The following SORCS2 variants were observed in gnomAD, a reference collection of about 807,000 sequenced individuals.
The protein encoded by SORCS2 is VPS10 domain-containing receptor SorCS2.
A neutral mutation model predicts 141.6 loss-of-function variants in SORCS2; 100 were observed. The observed-to-expected ratio is 0.71, with a 90% CI of 0.60 to 0.83. The LOEUF (loss-of-function observed/expected upper bound fraction) is 0.83, where lower values mean the gene tolerates loss of function less well. Ranked by LOEUF, SORCS2 falls within the 40% of genes least tolerant of loss-of-function variation. The pLI, the probability that SORCS2 is intolerant of heterozygous loss-of-function variation, is 0.00. For missense variants in SORCS2, 1,646 were observed against 1,560.2 expected (o/e 1.05, Z -0.93); for synonymous variants, 789 against 676.9 (o/e 1.17, Z -2.57).
intron 2 of SORCS2, among the ~76,000 whole-genome samples, chr4:7,400,069 T>C (rs1295305821): frequency 6.6e-6 from 1 of 152,200 alleles, no homozygotes; most frequent in Non-Finnish European, 1.5e-5. Flanking sequence ...GAGGTTGGGC[T>C]GGTTAGGACC....
chr4:7,661,231 G>C (rs6838780), intron 5 of SORCS2, among the ~76,000 whole-genome samples: 1 of 124,412 alleles, frequency 8.0e-6, no homozygotes, highest in Non-Finnish European at 1.7e-5. Flanking sequence ...CTCAGCTCAC[G>C]TAAGGAAGAT....
intron 20 of SORCS2, among the ~76,000 whole-genome samples, chr4:7,725,839 C>T (rs576445378): frequency 9.0e-4 from 137 of 152,348 alleles, no homozygotes; most frequent in African/African-American, 3.2e-3. Context: ...CACCACCAGG[C>T]AGGAAGCCCC....
chr4:7,271,926 G>A lies in SORCS2; in HGVS notation c.480+78800G>A, dbSNP rs574506791. On this transcript the variant is annotated intron_variant, in intron 1 of 26. Coordinates refer to ENST00000507866, the MANE Select transcript of SORCS2 (RefSeq NM_020777.3). ...GGTGGGCGATGGGCTCTGGGTGTTC[G>A]CTAAGGAGTCCTGTCCTCAGCCAGG... Among the ~76,000 whole-genome samples the A allele has an allele frequency of 6.6e-5, 10 of 152,340 alleles. No individual in the cohort carries two copies. The South Asian group carries it at 1.7e-3, about 25-fold the overall frequency.
rs150486020 is a variant in SORCS2, at chr4:7,233,916, C to T, written c.480+40790C>T. Among the ~76,000 whole-genome samples, 16 of 152,254 alleles carry T rather than the reference C, an allele frequency of 1.1e-4. No individual in the cohort carries two copies. Among genetic ancestry groups the T allele is most frequent in the Non-Finnish European group, 7.3e-5 (5 of 68,032 alleles). ...CATCCCCTTCTCTGGTCTCAGTTTC[C>T]GCATCTGTAAAAGGAGGCTGTTGGG... On this transcript the variant is annotated intron_variant, in intron 1 of 26. Transcript: ENST00000507866. The surrounding 1 kb of genome is among the most constrained non-coding windows in gnomAD (Gnocchi z 4.5).
intron 3 of SORCS2, among the ~76,000 whole-genome samples, chr4:7,537,957 G>C (rs1387372829): frequency 6.6e-6 from 1 of 152,178 alleles, no homozygotes; most frequent in Non-Finnish European, 1.5e-5. Flanking sequence ...CTACACTCCA[G>C]GTTGGGCGAC....
intron 3 of SORCS2, among the ~76,000 whole-genome samples, chr4:7,540,635 G>A (rs965845944): frequency 3.9e-5 from 6 of 152,184 alleles, no homozygotes; most frequent in Non-Finnish European, 8.8e-5. Context: ...TCTTCCTCCC[G>A]AGGGTCTGGC....
chr4:7,192,595 T>G lies in SORCS2; in HGVS notation c.-52T>G. The stretch of plus-strand genomic sequence containing the variant: ...CGCCCTCCTGCTCTCCCGGCCGCGG[T>G]CCCCTCGTCCGCGCCGCCCCGCCGC... On this transcript the variant is annotated 5_prime_UTR_variant, in exon 1 of 27. Transcript: ENST00000507866. This position sits in a 1 kb window ranked among gnomAD's most constrained non-coding sequence, Gnocchi z 4.0. 1 of 985,998 alleles carries G rather than the reference T, an allele frequency of 1.0e-6. No homozygotes were observed. Among genetic ancestry groups the G allele is most frequent in the Non-Finnish European group, 1.2e-6 (1 of 830,976 alleles). 61.1% of individuals were successfully genotyped at this position (985,998 alleles called of 1,614,324 possible).
intron 5 of SORCS2, among the ~76,000 whole-genome samples, chr4:7,655,701 T>C (rs1485747986): frequency 6.6e-6 from 1 of 152,218 alleles, no homozygotes; most frequent in Non-Finnish European, 1.5e-5. Context: ...ACTGGCCTTG[T>C]CATTGCTGTC....
At position 7,286,976 on chromosome 4, in the gene SORCS2, C is replaced by A. The variant is rs3857193; in HGVS notation, c.480+93850C>A. ...CCACTGGTACGAACGCTTCTTGCATCAGGTGGCTGCAGCCCGGCCTGGGAG... is the reference window on the plus strand; with the variant it reads ...CCACTGGTACGAACGCTTCTTGCATAAGGTGGCTGCAGCCCGGCCTGGGAG... On this transcript the variant is annotated intron_variant, in intron 1 of 26. Transcript: ENST00000507866. The surrounding 1 kb of genome is among the most constrained non-coding windows in gnomAD (Gnocchi z 4.1). Among the ~76,000 whole-genome samples the A allele has an allele frequency of 0.64, 97,839 of 152,066 alleles. 31,603 individuals carry two copies. Among genetic ancestry groups the A allele is most frequent in the Middle Eastern group, 0.71 (209 of 294 alleles).
chr4:7,314,814 T>TTG (rs1718451147), intron 1 of SORCS2, among the ~76,000 whole-genome samples: 1 of 80,486 alleles, frequency 1.2e-5, no homozygotes, highest in Non-Finnish European at 2.8e-5. Flanking sequence ...TTTTTTTTTT[T>TTG]TTTTTTTTTT....
At chr4:7,304,118 T>G (rs571943427) in intron 1 of SORCS2, among the ~76,000 whole-genome samples, 1 of 152,262 alleles carries the variant, frequency 6.6e-6, no homozygotes, top group Non-Finnish European at 1.5e-5. Context: ...GTGCCAGGCA[T>G]GTGTGGTCCC....
At chr4:7,367,229 G>A (rs1343804994) in intron 1 of SORCS2, among the ~76,000 whole-genome samples, 6 of 152,210 alleles carry the variant, frequency 3.9e-5, no homozygotes, top group South Asian at 2.1e-4. Context: ...TTGGAACACC[G>A]TTCAGGTGAG....
At chr4:7,595,370 C>T (rs894401807) in intron 3 of SORCS2, among the ~76,000 whole-genome samples, 11 of 152,098 alleles carry the variant, frequency 7.2e-5, no homozygotes, top group African/African-American at 1.2e-4. Context: ...TACGTAGGCA[C>T]GGTGGATTAA....
At position 7,403,211 on chromosome 4, in the gene SORCS2, G is replaced by C. The variant is rs73084236; in HGVS notation, c.548+6856G>C. Among the ~76,000 whole-genome samples, 332 of 152,296 alleles carry C rather than the reference G, an allele frequency of 2.2e-3. 2 individuals are homozygous for C. The highest frequency in any genetic ancestry group is 7.5e-3 in the African/African-American group (313 of 41,566). ...TTCTCACATCACTGTGTTGACTGTGGTTTGGTTACTTTGGCCAAGGCTTGG... is the reference window on the plus strand; with the variant it reads ...TTCTCACATCACTGTGTTGACTGTGCTTTGGTTACTTTGGCCAAGGCTTGG... On this transcript the variant is annotated intron_variant, in intron 2 of 26. Transcript: ENST00000507866.
At chr4:7,433,366 C>CAG in intron 2 of SORCS2, 1 of 1,453,312 alleles carries the variant, frequency 6.9e-7, no homozygotes, top group Admixed American at 2.8e-5. Context: ...ATGCTTCTGG[C>CAG]AGTGTTGCAC....
chr4:7,206,481 GCCGGCT>G (rs1727747899), intron 1 of SORCS2, among the ~76,000 whole-genome samples: 1 of 152,180 alleles, frequency 6.6e-6, no homozygotes, highest in Non-Finnish European at 1.5e-5. Flanking sequence ...CTGGCCCACT[GCCGGCT>G]CCACGAGTAA....
At chr4:7,374,879 G>A (rs949460940) in intron 1 of SORCS2, among the ~76,000 whole-genome samples, 31 of 152,198 alleles carry the variant, frequency 2.0e-4, no homozygotes, top group African/African-American at 5.8e-4. Context: ...TGGGTGTGTG[G>A]TCTGCATGGG....
In SORCS2 at chr4:7,192,727, G is replaced by T. The variant is rs1331123975; in HGVS notation, c.81G>T (p.Pro27=). The T allele has an allele frequency of 1.3e-5, 13 of 990,762 alleles. No homozygotes were observed. Among genetic ancestry groups the T allele is most frequent in the Admixed American group, 6.2e-5 (1 of 16,132 alleles). The allele number at this position is 990,762 out of a possible 1,614,324, so 61.4% of individuals were successfully genotyped here. A position where few individuals can be genotyped will look rare whatever the true frequency, so the allele number is the denominator to read the frequency against. The change falls in exon 1 of 27, where the codon CCG becomes CCT. Residue 27 remains proline, a synonymous_variant. Transcript: ENST00000507866. The surrounding 1 kb of genome is among the most constrained non-coding windows in gnomAD (Gnocchi z 4.0). Reference sequence around the variant, plus strand: ...CCCCGAGCCCCGGGGCTCCGCCGCCGCCGCGCTCGCCGCGCTCGCGGCCGC... The same window carrying T: ...CCCCGAGCCCCGGGGCTCCGCCGCCTCCGCGCTCGCCGCGCTCGCGGCCGC... ...ARAPSPGAPP[P]PRSPRSRPLL...
intron 1 of SORCS2, among the ~76,000 whole-genome samples, chr4:7,263,306 G>A (rs1447097005): frequency 6.6e-6 from 1 of 152,216 alleles, no homozygotes; most frequent in Non-Finnish European, 1.5e-5. Context: ...GAGTTGGGAG[G>A]CTGAGGAGTC....
Sources: gnomAD v4.1 joint callset for allele counts (sites outside exome capture counted in the v4.1 genomes callset) on GRCh38, gnomAD v4.1.1 for gene constraint, Gnocchi (gnomAD v3.1) non-coding constraint, MANE v1.5 for transcripts, NCBI Gene and HGNC (gene_info 2026-07-23, HGNC 2026-07-21) for gene names.